Variants in GLIS3 observed in about 807,000 individuals in gnomAD.
GLIS3 encodes the protein zinc finger protein GLIS3.
Under a neutral mutation model 78.6 loss-of-function variants are expected in GLIS3, and 53 were observed. The observed-to-expected ratio is 0.67, with a 90% CI of 0.54 to 0.85. GLIS3 has a LOEUF of 0.85. Ranked by LOEUF, GLIS3 falls within the 40% of genes least tolerant of loss-of-function variation. The pLI, the probability that GLIS3 is intolerant of heterozygous loss-of-function variation, is 0.00. For missense variants in GLIS3, 1,703 were observed against 1,231.1 expected (o/e 1.38, Z -5.74); for synonymous variants, 684 against 509.9 (o/e 1.34, Z -4.60).
chr9:4,421,407 G>C, the GLIS3 span, among the ~76,000 whole-genome samples: 1 of 152,218 alleles, frequency 6.6e-6, no homozygotes, highest in African/African-American at 2.4e-5. Flanking sequence ...GGAAACCAAA[G>C]ACAGCCCAAA....
chr9:3,877,019 T>G (rs1008714712), intron 8 of GLIS3, among the ~76,000 whole-genome samples: 2 of 152,106 alleles, frequency 1.3e-5, no homozygotes, highest in Non-Finnish European at 2.9e-5. Context: ...TTTTAAAGGC[T>G]GCGTACAAAA....
chr9:4,371,721 A>C, the GLIS3 span, among the ~76,000 whole-genome samples: 1 of 152,120 alleles, frequency 6.6e-6, no homozygotes, highest in Non-Finnish European at 1.5e-5. Context: ...TCTTTGCAAA[A>C]CAGAAATTAC....
the GLIS3 span, among the ~76,000 whole-genome samples, chr9:4,404,341 T>C: frequency 4.4e-3 from 669 of 152,232 alleles, 4 homozygotes; most frequent in Non-Finnish European, 6.8e-3. Flanking sequence ...AAATAAACAT[T>C]GGACTAAATC....
chr9:3,974,570 C>A (rs987317470), intron 4 of GLIS3, among the ~76,000 whole-genome samples: 2 of 152,178 alleles, frequency 1.3e-5, no homozygotes, highest in Non-Finnish European at 2.9e-5. Context: ...AGTCAATCAG[C>A]ACCATTTGTG....
intron 4 of GLIS3, among the ~76,000 whole-genome samples, chr9:4,037,547 A>AACAC (rs56254712): frequency 0.24 from 35,648 of 147,298 alleles, 4,234 homozygotes; most frequent in Non-Finnish European, 0.26. Context: ...GTGTGCACAC[A>AACAC]ACACACACAC....
At chr9:4,427,027 GCAAA>G in the GLIS3 span, among the ~76,000 whole-genome samples, 2 of 152,184 alleles carry the variant, frequency 1.3e-5, no homozygotes, top group African/African-American at 4.8e-5. Context: ...ATAGAACCTA[GCAAA>G]CAAATTTTGC....
intron 4 of GLIS3, among the ~76,000 whole-genome samples, chr9:4,056,002 GA>G (rs1388858981): frequency 1.3e-5 from 2 of 152,330 alleles, no homozygotes; most frequent in South Asian, 2.1e-4. Flanking sequence ...GGAGAATGGT[GA>G]AGGACTGATA....
chr9:4,400,835 T>C, the GLIS3 span, among the ~76,000 whole-genome samples: 10 of 152,176 alleles, frequency 6.6e-5, no homozygotes, highest in Non-Finnish European at 1.2e-4. Context: ...ATCTACTGCA[T>C]TGAAGGGAAT....
At chr9:4,408,583 C>T in the GLIS3 span, among the ~76,000 whole-genome samples, 10 of 150,266 alleles carry the variant, frequency 6.7e-5, no homozygotes, top group East Asian at 2.0e-4. Flanking sequence ...AAAAATTAGC[C>T]GGGCGCGGTG....
chr9:4,373,279 G>A, the GLIS3 span, among the ~76,000 whole-genome samples: 1 of 100,886 alleles, frequency 9.9e-6, no homozygotes. Context: ...CAGCTTCCAG[G>A]TCCCCTTCAC....
At chr9:4,161,079 T>TA (rs59854446) in intron 2 of GLIS3, among the ~76,000 whole-genome samples, 61,791 of 135,538 alleles carry the variant, frequency 0.46, 14,951 homozygotes, top group East Asian at 0.81. Context: ...CCCCATCTCT[T>TA]AAAAAAAAAA....
At chr9:4,361,780 T>C in the GLIS3 span, among the ~76,000 whole-genome samples, 1 of 152,222 alleles carries the variant, frequency 6.6e-6, no homozygotes, top group Non-Finnish European at 1.5e-5. Flanking sequence ...AACATGATCA[T>C]TTTATTACAT....
At chr9:4,439,084 C>G in the GLIS3 span, among the ~76,000 whole-genome samples, 1 of 152,152 alleles carries the variant, frequency 6.6e-6, no homozygotes, top group Non-Finnish European at 1.5e-5. Flanking sequence ...GTTGTCTCTT[C>G]AACACGCTTT....
the GLIS3 span, among the ~76,000 whole-genome samples, chr9:4,466,536 T>C: frequency 2.0e-5 from 3 of 152,226 alleles, no homozygotes; most frequent in African/African-American, 7.2e-5. Flanking sequence ...TATAAAATTT[T>C]TTTAAATGTT....
rs114623826 is a variant in GLIS3, at chr9:4,169,498, C to T, written c.389-43557G>A. ...ATGTGCCGTGTGGCTTTAAACACTACGCTTGTGATCCAGTATTTTCTTTTG... is the reference window on the plus strand; with the variant it reads ...ATGTGCCGTGTGGCTTTAAACACTATGCTTGTGATCCAGTATTTTCTTTTG... On this transcript the variant is annotated intron_variant, in intron 2 of 10. Transcript: ENST00000381971. Among the ~76,000 whole-genome samples, 236 of 152,264 alleles carry T rather than the reference C, an allele frequency of 1.5e-3. 1 individual carries two copies. Among genetic ancestry groups the T allele is most frequent in the African/African-American group, 5.5e-3 (228 of 41,542 alleles).
intron 4 of GLIS3, among the ~76,000 whole-genome samples, chr9:4,056,371 C>T (rs892886329): frequency 6.6e-6 from 1 of 152,186 alleles, no homozygotes; most frequent in Non-Finnish European, 1.5e-5. Context: ...TTTTAAGCTA[C>T]TAGTTTTAAC....
chr9:4,055,793 T>C (rs1356186055), intron 4 of GLIS3, among the ~76,000 whole-genome samples: 3 of 152,180 alleles, frequency 2.0e-5, no homozygotes, highest in Non-Finnish European at 2.9e-5. Context: ...TCCAGCTTCA[T>C]TGGAGGGATG....
chr9:4,398,625 TC>T, the GLIS3 span, among the ~76,000 whole-genome samples: 3 of 151,986 alleles, frequency 2.0e-5, no homozygotes, highest in Admixed American at 2.0e-4. Flanking sequence ...CTCACCCTCT[TC>T]CCCTGGCCCC....
At chr9:4,376,262 T>G in the GLIS3 span, among the ~76,000 whole-genome samples, 1 of 152,102 alleles carries the variant, frequency 6.6e-6, no homozygotes, top group Admixed American at 6.6e-5. Context: ...TGGGGAAAAC[T>G]TACGAAAGAA....
Sources: allele counts gnomAD v4.1 joint callset (sites outside exome capture counted in the v4.1 genomes callset), GRCh38; gene constraint gnomAD v4.1.1; transcripts MANE v1.5; gene names NCBI Gene and HGNC (gene_info 2026-07-23, HGNC 2026-07-21).